HK1: variants seen among roughly 807,000 people sequenced by gnomAD.
HK1 encodes hexokinase-1.
In HK1, 28 loss-of-function variants were observed where a neutral mutation model predicts 91.6. The ratio of observed to expected loss-of-function variants is 0.31; its 90% CI spans 0.23 to 0.42. HK1 has a LOEUF of 0.42. Among genes scored for constraint, HK1 ranks in the 10% least tolerant of loss-of-function variants. HK1 has a pLI of 1.00. For synonymous variants in HK1, 430 were observed against 468.1 expected (o/e 0.92, Z 1.05); for missense variants, 770 against 1,219.8 (o/e 0.63, Z 5.49).
intron 16 of HK1, among the ~76,000 whole-genome samples, chr10:69,396,314 C>A (rs1480582511): frequency 2.7e-5 from 4 of 150,744 alleles, no homozygotes; most frequent in Non-Finnish European, 4.4e-5. Flanking sequence ...AAATATTAAA[C>A]CTTAAACAAA....
At chr10:69,275,178 A>T (rs967764307) in intron 1 of HK1, among the ~76,000 whole-genome samples, 1 of 151,092 alleles carries the variant, frequency 6.6e-6, no homozygotes, top group Non-Finnish European at 1.5e-5. Flanking sequence ...TCCCATTACA[A>T]TGTCTTATTT....
intron 10 of HK1, among the ~76,000 whole-genome samples, chr10:69,384,046 T>C (rs142696395): frequency 1.1e-4 from 17 of 152,360 alleles, no homozygotes; most frequent in African/African-American, 4.1e-4. Flanking sequence ...TAAATTATTA[T>C]TTTTTGTAGG....
intron 5 of HK1, among the ~76,000 whole-genome samples, chr10:69,302,182 G>A (rs1278756938): frequency 6.6e-6 from 1 of 151,588 alleles, no homozygotes; most frequent in East Asian, 2.0e-4. Context: ...GGGAGGCAGA[G>A]GTTGCGGTGA....
intron 12 of HK1, among the ~76,000 whole-genome samples, 172 bp downstream of exon 12, chr10:69,385,087 C>T (rs187469497): frequency 6.6e-5 from 10 of 152,326 alleles, no homozygotes; most frequent in Non-Finnish European, 4.4e-5. Context: ...TACTGAGACT[C>T]TTCTCTCTTC....
chr10:69,279,049 A>T (rs1478667654), intron 1 of HK1, among the ~76,000 whole-genome samples: 1 of 152,206 alleles, frequency 6.6e-6, no homozygotes, highest in Non-Finnish European at 1.5e-5. Context: ...CCCATTTCAT[A>T]GTAAGTTTCT....
chr10:69,396,404 A>C (rs1840142459), intron 16 of HK1, among the ~76,000 whole-genome samples: 1 of 152,066 alleles, frequency 6.6e-6, no homozygotes. Flanking sequence ...CATTAAGTAC[A>C]TTCACATAGT....
chr10:69,360,797 T>G (rs1849380557), intron 3 of HK1, among the ~76,000 whole-genome samples: 1 of 152,140 alleles, frequency 6.6e-6, no homozygotes, highest in Non-Finnish European at 1.5e-5. Flanking sequence ...CACTGCAGGT[T>G]TTCAGTCATT....
Position 69,401,625 on chromosome 10 carries a change from C to A in HK1, c.*490C>A, listed in dbSNP as rs1190273161. 1 of 392,018 alleles carries A rather than the reference C, an allele frequency of 2.6e-6. No homozygotes were observed. The highest frequency in any genetic ancestry group is 8.5e-5 in the East Asian group (1 of 11,756). 24.3% of individuals were successfully genotyped at this position (392,018 alleles called of 1,614,324 possible). ...CATAGCATTAGCTGCTTCCTCCCCT[C>A]CTGGCACCCACTGTGGCCTGGCATC... On this transcript the variant is annotated 3_prime_UTR_variant, in exon 18 of 18. Coordinates refer to ENST00000359426, the MANE Select transcript of HK1 (RefSeq NM_000188.3).
chr10:69,394,886 C>T, intron 15 of HK1, 64 bp from the exon 16 acceptor site: 1 of 1,546,636 alleles, frequency 6.5e-7, no homozygotes, highest in Non-Finnish European at 8.9e-7. Context: ...GACCGTGAGA[C>T]CGAGGGGTGA....
chr10:69,367,178 TG>T (rs760642524), intron 4 of HK1, among the ~76,000 whole-genome samples: 43 of 151,844 alleles, frequency 2.8e-4, no homozygotes, highest in South Asian at 6.2e-4. Flanking sequence ...GAGCCAGAGG[TG>T]GGGGGTGTCC....
intron 5 of HK1, among the ~76,000 whole-genome samples, chr10:69,306,039 G>T (rs546200984): frequency 7.9e-5 from 12 of 152,148 alleles, no homozygotes; most frequent in Middle Eastern, 3.4e-3. Context: ...TCCAAAGAGG[G>T]TTTGAGGACT....
intron 16 of HK1, 72 bp from the exon 17 acceptor site, chr10:69,398,523 C>A: frequency 8.6e-7 from 1 of 1,164,028 alleles, no homozygotes; most frequent in Non-Finnish European, 1.3e-6. Context: ...GGGGGGCGTC[C>A]TTTGGACGTG....
intron 1 of HK1, among the ~76,000 whole-genome samples, chr10:69,328,610 G>A (rs1847516057): frequency 6.6e-6 from 1 of 152,262 alleles, no homozygotes; most frequent in Non-Finnish European, 1.5e-5. Flanking sequence ...CAAGGCTGAT[G>A]GCAGAGCTCC....
At chr10:69,276,188 A>C (rs996054937) in intron 1 of HK1, among the ~76,000 whole-genome samples, 1 of 140,506 alleles carries the variant, frequency 7.1e-6, no homozygotes, top group Non-Finnish European at 1.5e-5. Context: ...TATTTATTAG[A>C]TTAAACTTGT....
rs1847937741 is a variant in HK1 at position 69,335,590 on chromosome 10, G to A, written c.64-8237G>A. ...TGTCCACCCCAGTCTCTGCAAGTAT[G>A]TCGCCCTGGCCAGTTGAGGAACCTC... is the stretch of plus-strand genomic sequence containing the variant. On this transcript the variant is annotated intron_variant, in intron 1 of 17. Coordinates refer to ENST00000359426, the MANE Select transcript of HK1 (RefSeq NM_000188.3). Among the ~76,000 whole-genome samples the A allele has an allele frequency of 3.3e-5, 5 of 152,342 alleles. 1 individual carries two copies. The South Asian group carries it at 1.0e-3, about 32-fold the overall frequency.
chr10:69,388,904 C>G (rs1564565823), intron 13 of HK1, among the ~76,000 whole-genome samples: 1 of 152,238 alleles, frequency 6.6e-6, no homozygotes, highest in African/African-American at 2.4e-5. Context: ...AGGGAAGAAG[C>G]TATTTGACCA....
intron 5 of HK1, among the ~76,000 whole-genome samples, chr10:69,304,756 T>G (rs4746841): frequency 0.9 from 137,072 of 152,190 alleles, 61,868 homozygotes; most frequent in East Asian, 0.99. Context: ...TTGCCATGGG[T>G]GTTTCATGTT....
At chr10:69,312,546 C>CTTT (rs1564502629), upstream of HK1, among the ~76,000 whole-genome samples, 10 of 151,308 alleles carry the variant, frequency 6.6e-5, no homozygotes, top group African/African-American at 2.4e-4. Flanking sequence ...GCCATATAGC[C>CTTT]CTTTTTTTTT....
Position 69,364,426 on chromosome 10 carries a change from G to A in HK1, c.376-357G>A, listed in dbSNP as rs529161493. ...GGAAGGCCACTCCACCTGGTGGCTG[G>A]TGGAGATCCGTGACCTGTGTGTTAT... On this transcript the variant is annotated intron_variant, in intron 3 of 17. Coordinates refer to ENST00000359426, the MANE Select transcript of HK1 (RefSeq NM_000188.3). Among the ~76,000 whole-genome samples, 24 of 152,322 alleles carry A rather than the reference G, an allele frequency of 1.6e-4. No individual in the cohort carries two copies. The South Asian group carries it at 3.3e-3, about 21-fold the overall frequency.
Sources: gnomAD v4.1 joint callset for allele counts (sites outside exome capture counted in the v4.1 genomes callset) on GRCh38, gnomAD v4.1.1 for gene constraint, MANE v1.5 for transcripts, NCBI Gene and HGNC (gene_info 2026-07-23, HGNC 2026-07-21) for gene names.